Variants in IGF1 observed in about 807,000 individuals in gnomAD.
IGF1 encodes insulin like growth factor 1, also known as insulin-like growth factor 1.
Under a neutral mutation model 13.8 loss-of-function variants are expected in IGF1, and 4 were observed. That is an observed-to-expected ratio of 0.29 (90% confidence interval 0.14 to 0.66). The LOEUF is 0.66. Ranked by LOEUF, IGF1 falls within the 30% of genes least tolerant of loss-of-function variation. The pLI is 0.78. For synonymous variants in IGF1, 76 were observed against 72.6 expected, an observed-to-expected ratio of 1.05 and a Z score of -0.23; for missense variants, 124 against 188.5, an observed-to-expected ratio of 0.66 and a Z score of 2.00.
At chr12:102,425,821 T>C (rs4764884) in intron 2 of IGF1, among the ~76,000 whole-genome samples, 116,474 of 152,140 alleles carry the variant, frequency 0.77, 44,650 homozygotes, top group Admixed American at 0.83. Context: ...GGAGGATGAG[T>C]GTCTTGCCAG....
At chr12:102,414,798 G>T (rs1202694665) in intron 3 of IGF1, among the ~76,000 whole-genome samples, 3 of 152,190 alleles carry the variant, frequency 2.0e-5, no homozygotes, top group Non-Finnish European at 4.4e-5. Flanking sequence ...GCACATTGTA[G>T]ATGCCCAATA....
At chr12:102,449,360 A>G (rs1158357132) in intron 2 of IGF1, among the ~76,000 whole-genome samples, 5 of 150,164 alleles carry the variant, frequency 3.3e-5, no homozygotes, top group Non-Finnish European at 7.4e-5. Flanking sequence ...ACACATGGAC[A>G]CAGGGAGGGG....
intron 2 of IGF1, among the ~76,000 whole-genome samples, chr12:102,472,223 G>T (rs890774385): frequency 6.6e-6 from 1 of 152,100 alleles, no homozygotes; most frequent in Non-Finnish European, 1.5e-5. Flanking sequence ...GTCTAGGGAA[G>T]CTGCATTAAT....
At chr12:102,443,886 A>G (rs754578407) in intron 2 of IGF1, among the ~76,000 whole-genome samples, 6 of 151,998 alleles carry the variant, frequency 3.9e-5, no homozygotes, top group Admixed American at 2.0e-4. Flanking sequence ...ATGTAATGAT[A>G]CACAATCTTG....
At chr12:102,418,038 A>T in intron 3 of IGF1, 1 of 1,601,328 alleles carries the variant, frequency 6.2e-7, no homozygotes, top group South Asian at 1.1e-5. Context: ...CATTGAGAAC[A>T]AGTGGTTCCC....
chr12:102,439,068 C>T (rs1022873236), intron 2 of IGF1, among the ~76,000 whole-genome samples: 5 of 152,190 alleles, frequency 3.3e-5, no homozygotes, highest in African/African-American at 4.8e-5. Flanking sequence ...ACACTTGCAA[C>T]GGTTTTACAC....
At chr12:102,410,109 C>G (rs1304515191) in intron 3 of IGF1, among the ~76,000 whole-genome samples, 1 of 152,088 alleles carries the variant, frequency 6.6e-6, no homozygotes, top group African/African-American at 2.4e-5. Context: ...CTTTCTTACT[C>G]TTTTAAAGAC....
chr12:102,426,433 C>T (rs1347080360), intron 2 of IGF1, among the ~76,000 whole-genome samples: 1 of 152,148 alleles, frequency 6.6e-6, no homozygotes, highest in Non-Finnish European at 1.5e-5. Context: ...GGCAGGTATC[C>T]TCTTCCTCCA....
intron 2 of IGF1, among the ~76,000 whole-genome samples, chr12:102,441,906 G>GCTTCTTCTTCTT (rs770800968): frequency 2.0e-5 from 2 of 100,344 alleles, no homozygotes; most frequent in African/African-American, 3.9e-5. Flanking sequence ...CTATTACACT[G>GCTTCTTCTTCTT]CTTCTTCTCC....
chr12:102,419,437 C>T, intron 3 of IGF1, 72 bp downstream of exon 3: 3 of 1,469,858 alleles, frequency 2.0e-6, no homozygotes, highest in Non-Finnish European at 2.8e-6. Flanking sequence ...GGCAGGATTT[C>T]TGCTTGGCCC....
chr12:102,469,075 T>C (rs1880519736), intron 2 of IGF1, among the ~76,000 whole-genome samples: 2 of 152,182 alleles, frequency 1.3e-5, no homozygotes, highest in South Asian at 4.1e-4. Flanking sequence ...CCACTGGAGA[T>C]AGGATACATT....
chr12:102,462,371 A>G (rs1879968062), intron 2 of IGF1, among the ~76,000 whole-genome samples: 1 of 152,150 alleles, frequency 6.6e-6, no homozygotes, highest in Non-Finnish European at 1.5e-5. Context: ...TATTCATTGA[A>G]ACCAATCATC....
At chr12:102,440,270 C>T (rs1053333860) in intron 2 of IGF1, among the ~76,000 whole-genome samples, 5 of 152,186 alleles carry the variant, frequency 3.3e-5, no homozygotes, top group Non-Finnish European at 7.3e-5. Context: ...CCAGCCCCCA[C>T]AGAGAGAGGA....
chr12:102,405,002 C>T (rs1447451951), intron 3 of IGF1, among the ~76,000 whole-genome samples: 2 of 151,950 alleles, frequency 1.3e-5, no homozygotes, highest in Non-Finnish European at 2.9e-5. Context: ...TGTGATCCAC[C>T]CGCCTTGGCC....
chr12:102,461,686 C>T (rs1440171185), intron 2 of IGF1, among the ~76,000 whole-genome samples: 2 of 152,142 alleles, frequency 1.3e-5, no homozygotes, highest in African/African-American at 4.8e-5. Flanking sequence ...GAAATTGCAG[C>T]TACAGCAATT....
chr12:102,475,516 TCA>T, intron 2 of IGF1, 125 bp downstream of exon 2: 1 of 1,090,022 alleles, frequency 9.2e-7, no homozygotes, highest in African/African-American at 1.5e-5. Flanking sequence ...GTGAGGAATC[TCA>T]GAGGCCTAGG....
intron 1 of IGF1, among the ~76,000 whole-genome samples, chr12:102,476,457 C>T (rs1011547649): frequency 7.5e-6 from 1 of 132,572 alleles, no homozygotes; most frequent in African/African-American, 2.6e-5. Context: ...GATTCCTTAC[C>T]TGGGGCATAT....
At chr12:102,424,200 T>C (rs1366880666) in intron 2 of IGF1, among the ~76,000 whole-genome samples, 1 of 151,562 alleles carries the variant, frequency 6.6e-6, no homozygotes, top group African/African-American at 2.4e-5. Context: ...AACTATTCTT[T>C]AGAAATTTGC....
intron 2 of IGF1, among the ~76,000 whole-genome samples, chr12:102,454,936 C>T (rs1879268209): frequency 6.6e-6 from 1 of 152,172 alleles, no homozygotes; most frequent in Non-Finnish European, 1.5e-5. Context: ...CAGAGAGGTT[C>T]AGGGCTGAAC....
Sources: gnomAD v4.1 joint callset for allele counts (sites outside exome capture counted in the v4.1 genomes callset) on GRCh38, gnomAD v4.1.1 for gene constraint, MANE v1.5 for transcripts, NCBI Gene and HGNC (gene_info 2026-07-23, HGNC 2026-07-21) for gene names.